RNF157: variants seen among roughly 807,000 people sequenced by gnomAD.
RNF157 encodes E3 ubiquitin ligase RNF157.
Under a neutral mutation model 88.3 loss-of-function variants are expected in RNF157, and 55 were observed. The ratio of observed to expected loss-of-function variants is 0.62; its 90% CI spans 0.50 to 0.78. The LOEUF (loss-of-function observed/expected upper bound fraction) is 0.78. RNF157 is among the 30% of genes least tolerant of loss of function. The pLI, the probability that RNF157 is intolerant of heterozygous loss-of-function variation, is 0.00. For missense variants in RNF157, 788 were observed against 860.8 expected (o/e 0.92, Z 1.06); for synonymous variants, 334 against 341.2 (o/e 0.98, Z 0.23).
chr17:76,237,282 G>A lies in RNF157; in HGVS notation c.88+2871C>T, dbSNP rs2070298906. 3.3e-5 allele frequency among the ~76,000 whole-genome samples: 5 copies of A among 152,202 alleles called. No individual in the cohort carries two copies. In the South Asian group the frequency reaches 8.3e-4, roughly 25 times the overall value. On this transcript the variant is annotated intron_variant, in intron 1 of 18. Coordinates refer to ENST00000269391, the MANE Select transcript of RNF157 (RefSeq NM_052916.3). ...GCAATTTCAGCTGGACACTGTGACC[G>A]TCATTACAAGGACAGATGATGGTGC... is the stretch of plus-strand genomic sequence containing the variant.
chr17:76,147,185 G>A, intron 18 of RNF157: 2 of 984,772 alleles, frequency 2.0e-6, no homozygotes, highest in Non-Finnish European at 2.4e-6. Context: ...TAAATATAAG[G>A]CAATATTAAT....
chr17:76,209,738 T>C (rs1299719241), intron 2 of RNF157, among the ~76,000 whole-genome samples: 1 of 152,176 alleles, frequency 6.6e-6, no homozygotes, highest in Non-Finnish European at 1.5e-5. Flanking sequence ...ATGTTATTAA[T>C]AGAAGAAACG....
intron 3 of RNF157, among the ~76,000 whole-genome samples, chr17:76,170,233 C>G (rs1227208885): frequency 6.6e-6 from 1 of 151,908 alleles, no homozygotes; most frequent in Non-Finnish European, 1.5e-5. Flanking sequence ...ATCCACTCAC[C>G]TGCTGTTTTG....
At chr17:76,156,460 C>G (rs758572194) in intron 13 of RNF157, 139 bp from the exon 14 acceptor site, 2 of 1,458,092 alleles carry the variant, frequency 1.4e-6, no homozygotes, top group Admixed American at 2.7e-5. Context: ...ATGCAGAGGC[C>G]GCAGCTTCTC....
chr17:76,148,833 A>G (rs1398751386), intron 18 of RNF157, among the ~76,000 whole-genome samples: 4 of 148,508 alleles, frequency 2.7e-5, no homozygotes, highest in Admixed American at 2.7e-4. Context: ...GCCTCTCAAA[A>G]TGCTGGGATT....
intron 2 of RNF157, among the ~76,000 whole-genome samples, chr17:76,210,061 A>G (rs558299822): frequency 6.6e-6 from 1 of 152,214 alleles, no homozygotes; most frequent in Non-Finnish European, 1.5e-5. Flanking sequence ...CCCAGCAGAA[A>G]GGGCTACTTT....
chr17:76,240,098 A>ACCCCAG lies in RNF157; in HGVS notation c.88+54_88+55insCTGGGG. ...GCCCCCTCAGGCCGTCCCGACCCAGACCCCTGCCCCTGCCCCTCTCCCTCC... is the reference window on the plus strand; with the variant it reads ...GCCCCCTCAGGCCGTCCCGACCCAGACCCCAGCCCCTGCCCCTGCCCCTCTCCCTCC... On this transcript the variant is annotated intron_variant, in intron 1 of 18. Transcript: ENST00000269391. The surrounding 1 kb of genome is among the most constrained non-coding windows in gnomAD (Gnocchi z 4.4). 9.0e-7 allele frequency: 1 copy of ACCCCAG among 1,109,546 alleles called. No homozygotes were observed. 68.7% of individuals were successfully genotyped at this position (1,109,546 alleles called of 1,614,324 possible).
Position 76,155,697 on chromosome 17 carries a change from G to C in RNF157, c.1563C>G (p.Ser521=), listed in dbSNP as rs1568024971. ...CAGTGCTGATCTGGGAGGATGCCAT[G>C]GACATGACAGACTGGGCCAAGCTGC... ...ASSSLAQSVM[S]MASSQISTDT... is the part of the protein sequence containing the mutation. The change falls in exon 15 of 19, where the codon TCC becomes TCG. Residue 521 remains serine (S), a synonymous_variant. Coordinates refer to ENST00000269391, the MANE Select transcript of RNF157 (RefSeq NM_052916.3). 1 of 1,605,654 alleles carries C rather than the reference G, an allele frequency of 6.2e-7. No homozygotes were observed. The highest frequency in any genetic ancestry group is 1.3e-5 in the African/African-American group (1 of 74,826).
chr17:76,213,631 A>G (rs909248715), intron 1 of RNF157, among the ~76,000 whole-genome samples: 1 of 150,502 alleles, frequency 6.6e-6, no homozygotes, highest in Admixed American at 6.6e-5. Flanking sequence ...TTGTCTTTAC[A>G]TATGCTAATG....
intron 1 of RNF157, among the ~76,000 whole-genome samples, chr17:76,230,858 AAGAGAGAG>A (rs1157555551): frequency 2.4e-4 from 13 of 55,082 alleles, no homozygotes; most frequent in Non-Finnish European, 2.9e-4. Context: ...AAAAAAAAAA[AAGAGAGAG>A]AGAGAGAGAG....
chr17:76,231,337 T>C (rs563544986), intron 1 of RNF157, among the ~76,000 whole-genome samples: 2 of 152,294 alleles, frequency 1.3e-5, no homozygotes, highest in African/African-American at 2.4e-5. Context: ...CTCTATAATA[T>C]TGAGTTGTAA....
At chr17:76,162,102 A>C in intron 9 of RNF157, 100 bp from the exon 10 acceptor site, 1 of 1,223,204 alleles carries the variant, frequency 8.2e-7, no homozygotes, top group Non-Finnish European at 1.1e-6. Flanking sequence ...ATAAGTAATA[A>C]TTACGAACAA....
rs2070090656 is a variant in RNF157, at chr17:76,226,590, T to C, written c.88+13563A>G. The C allele has an allele frequency of 1.1e-4, 175 of 1,613,574 alleles. 1 individual carries two copies. The South Asian group carries it at 1.9e-3, about 17-fold the overall frequency. ...CCAGAGAAGGCATCCTCCTTGCTGT[T>C]GTTGGAGGGACTGACCAACCCATCC... On this transcript the variant is annotated intron_variant, in intron 1 of 18. Transcript: ENST00000269391.
chr17:76,159,329 A>G lies in RNF157; in HGVS notation c.1304+6T>C. The G allele has an allele frequency of 6.2e-7, 1 of 1,604,582 alleles. No homozygotes were observed. The highest frequency in any genetic ancestry group is 8.5e-7 in the Non-Finnish European group (1 of 1,171,676). On this transcript the variant is annotated splice_donor_region_variant and intron_variant, in intron 12 of 18. Coordinates refer to ENST00000269391, the MANE Select transcript of RNF157 (RefSeq NM_052916.3). ...GGGGCAACAGTGTGGAGCACTGGCT[A>G]CTCACTTGGAGAGACTCTTTTTGAG...
chr17:76,237,003 GC>G lies in RNF157; in HGVS notation c.88+3149del, dbSNP rs557615251. 6.2e-3 allele frequency among the ~76,000 whole-genome samples: 939 copies of G among 152,368 alleles called. 12 individuals are homozygous for G. The highest frequency in any genetic ancestry group is 0.021 in the African/African-American group (875 of 41,590). On this transcript the variant is annotated intron_variant, in intron 1 of 18. Coordinates refer to ENST00000269391, the MANE Select transcript of RNF157 (RefSeq NM_052916.3). ...AGGAGAACCAGGTGGATGGACAACA[GC>G]GGTGAGAACAAGGCTTTCACTGTAC...
chr17:76,156,354 G>C, intron 13 of RNF157, 33 bp from the exon 14 acceptor site: 1 of 1,613,442 alleles, frequency 6.2e-7, no homozygotes, highest in Non-Finnish European at 8.5e-7. Flanking sequence ...ACAGGACATG[G>C]AGCAAGCGCC....
chr17:76,228,978 T>A (rs2145071437), intron 1 of RNF157, among the ~76,000 whole-genome samples: 1 of 152,050 alleles, frequency 6.6e-6, no homozygotes, highest in Non-Finnish European at 1.5e-5. Context: ...CACTCACCCA[T>A]CCATCGATTC....
chr17:76,238,456 A>G (rs2070319054), intron 1 of RNF157, among the ~76,000 whole-genome samples: 1 of 152,252 alleles, frequency 6.6e-6, no homozygotes, highest in Non-Finnish European at 1.5e-5. Flanking sequence ...TGAGTGTGCT[A>G]ATTAACAAAA....
At chr17:76,173,896 G>A (rs2144881709) in intron 2 of RNF157, 106 bp from the exon 3 acceptor site, 1 of 859,646 alleles carries the variant, frequency 1.2e-6, no homozygotes, top group Non-Finnish European at 1.9e-6. Flanking sequence ...AGGCAGGAAG[G>A]CACAACTCTC....
Sources: allele counts gnomAD v4.1 joint callset (sites outside exome capture counted in the v4.1 genomes callset), GRCh38; gene constraint gnomAD v4.1.1; non-coding constraint Gnocchi (gnomAD v3.1); transcripts MANE v1.5; gene names NCBI Gene and HGNC (gene_info 2026-07-23, HGNC 2026-07-21).